CTDSPL: variants seen among roughly 807,000 people sequenced by gnomAD.
The protein encoded by CTDSPL is CTD small phosphatase-like protein.
CTDSPL carries 8 observed loss-of-function variants against 30.5 expected under a neutral mutation model. That is an observed-to-expected ratio of 0.26 (90% CI 0.15 to 0.47). The LOEUF is 0.47. Ranked by LOEUF, CTDSPL falls within the 20% of genes least tolerant of loss-of-function variation. The pLI is 0.99. For synonymous variants in CTDSPL, 110 were observed against 137.9 expected, an observed-to-expected ratio of 0.80 and a Z score of 1.42; for missense variants, 248 against 366.1, an observed-to-expected ratio of 0.68 and a Z score of 2.63.
In CTDSPL at chr3:37,862,488, CTG is replaced by C. The variant is rs948360502; in HGVS notation, c.79+211_79+212del. On this transcript the variant is annotated intron_variant, in intron 1 of 7. Coordinates refer to ENST00000273179, the MANE Select transcript of CTDSPL (RefSeq NM_001008392.2). This position sits in a 1 kb window ranked among gnomAD's most constrained non-coding sequence, Gnocchi z 4.3. ...GAGTGTGCAGGGGCTGGCGGAGAGA[CTG>C]GGAGCGAGTGTGTGTGCATCTAACC... 1.3e-4 allele frequency among the ~76,000 whole-genome samples: 20 copies of C among 152,120 alleles called. No homozygotes were observed. Among genetic ancestry groups the C allele is most frequent in the African/African-American group, 4.8e-4 (20 of 41,442 alleles).
intron 1 of CTDSPL, among the ~76,000 whole-genome samples, chr3:37,912,400 G>A (rs1302553148): frequency 6.6e-6 from 1 of 152,212 alleles, no homozygotes; most frequent in Non-Finnish European, 1.5e-5. Context: ...TTTGAATTAA[G>A]GAATCTCTGG....
chr3:37,961,571 T>C (rs1699245329), intron 3 of CTDSPL, among the ~76,000 whole-genome samples: 1 of 152,208 alleles, frequency 6.6e-6, no homozygotes, highest in African/African-American at 2.4e-5. Context: ...CTAACAGCTA[T>C]GTTTCTATGC....
chr3:37,958,366 C>A (rs1167032788), intron 3 of CTDSPL, among the ~76,000 whole-genome samples: 1 of 152,150 alleles, frequency 6.6e-6, no homozygotes, highest in Non-Finnish European at 1.5e-5. Context: ...AACTTTTTAT[C>A]CAGAGTTTGA....
intron 1 of CTDSPL, among the ~76,000 whole-genome samples, chr3:37,876,552 T>C (rs595793): frequency 2.0e-5 from 3 of 152,230 alleles, no homozygotes; most frequent in Non-Finnish European, 4.4e-5. Flanking sequence ...ATTTTGTGTT[T>C]CCTAAATCTC....
Position 37,953,484 on chromosome 3 carries a change from G to T in CTDSPL, c.235-3627G>T, listed in dbSNP as rs141154484. On this transcript the variant is annotated intron_variant, in intron 2 of 7. Coordinates refer to ENST00000273179, the MANE Select transcript of CTDSPL (RefSeq NM_001008392.2). ...ATCCACATATTCAGAAAGAAAACTGGAATTATTTGGTGGACAGTGCTAATG... is the reference window on the plus strand; with the variant it reads ...ATCCACATATTCAGAAAGAAAACTGTAATTATTTGGTGGACAGTGCTAATG... Among the ~76,000 whole-genome samples, 459 of 152,292 alleles carry T rather than the reference G, an allele frequency of 3.0e-3. 3 individuals are homozygous for T. The highest frequency in any genetic ancestry group is 0.014 in the Middle Eastern group (4 of 294).
intron 2 of CTDSPL, among the ~76,000 whole-genome samples, chr3:37,951,523 A>G (rs1309723579): frequency 6.6e-6 from 1 of 152,002 alleles, no homozygotes; most frequent in Non-Finnish European, 1.5e-5. Context: ...CAAAAAATAA[A>G]AATAAAAAAT....
intron 1 of CTDSPL, among the ~76,000 whole-genome samples, chr3:37,937,753 A>G (rs990048465): frequency 1.3e-5 from 2 of 150,348 alleles, no homozygotes; most frequent in Non-Finnish European, 3.0e-5. Context: ...GAGCAGTCAG[A>G]TATGGAGGAT....
At chr3:37,916,652 C>T (rs367728768) in intron 1 of CTDSPL, among the ~76,000 whole-genome samples, 3 of 152,288 alleles carry the variant, frequency 2.0e-5, no homozygotes, top group African/African-American at 2.4e-5. Context: ...AAGGAAGAGG[C>T]ATGGCCCTCC....
intron 2 of CTDSPL, among the ~76,000 whole-genome samples, chr3:37,951,961 C>T (rs1457502143): frequency 1.3e-5 from 2 of 152,160 alleles, no homozygotes; most frequent in Non-Finnish European, 2.9e-5. Context: ...ACAAATTCAG[C>T]TGTATGATAT....
rs57451778 is a variant in CTDSPL, at chr3:37,983,282, AATATCT to A, written c.*2444_*2449del. Reference sequence around the variant, plus strand: ...GAATCTGCTTTATGTACATAATCAAAATATCTATATCTATATCTATATCTATATCTA... The same window carrying A: ...GAATCTGCTTTATGTACATAATCAAAATATCTATATCTATATCTATATCTA... On this transcript the variant is annotated 3_prime_UTR_variant, in exon 8 of 8. Transcript: ENST00000273179. 12,572 of 152,176 alleles carry A rather than the reference AATATCT, an allele frequency of 0.083. 1,015 individuals are homozygous for A. Among genetic ancestry groups the A allele is most frequent in the African/African-American group, 0.22 (8,910 of 41,222 alleles). The allele number at this position is 152,176 out of a possible 1,614,324, so 9.4% of individuals were successfully genotyped here.
intron 1 of CTDSPL, among the ~76,000 whole-genome samples, chr3:37,892,835 T>C (rs1698343682): frequency 6.6e-6 from 1 of 152,232 alleles, no homozygotes; most frequent in South Asian, 2.1e-4. Flanking sequence ...ATAAGTGTGC[T>C]TGCTTCTGAG....
chr3:37,890,545 T>A (rs935730965), intron 1 of CTDSPL, among the ~76,000 whole-genome samples: 2 of 152,216 alleles, frequency 1.3e-5, no homozygotes, highest in Non-Finnish European at 2.9e-5. Flanking sequence ...TTTCAGCAAT[T>A]TGATTTAAAC....
intron 1 of CTDSPL, among the ~76,000 whole-genome samples, chr3:37,928,112 A>G (rs1053266662): frequency 1.3e-5 from 2 of 152,182 alleles, no homozygotes; most frequent in African/African-American, 4.8e-5. Flanking sequence ...CATTGTATGC[A>G]TGGACCACTT....
At chr3:37,954,858 A>T (rs1490249588) in intron 2 of CTDSPL, 2 of 152,288 alleles carry the variant, frequency 1.3e-5, no homozygotes, top group African/African-American at 4.8e-5. Flanking sequence ...AGATTGCTGG[A>T]CACTCACAAA....
chr3:37,908,964 A>G (rs1698549420), intron 1 of CTDSPL, among the ~76,000 whole-genome samples: 1 of 152,176 alleles, frequency 6.6e-6, no homozygotes, highest in African/African-American at 2.4e-5. Context: ...CCTTTACTCA[A>G]TATCGATATT....
In CTDSPL at chr3:37,953,400, T is replaced by C. The variant is rs545621668; in HGVS notation, c.235-3711T>C. On this transcript the variant is annotated intron_variant, in intron 2 of 7. Transcript: ENST00000273179. ...AAAACATGCCTTATTTCAACTTACA[T>C]TTTATTGGCTAAAGTAAGTCACATG... Among the ~76,000 whole-genome samples the C allele has an allele frequency of 3.9e-5, 6 of 152,356 alleles. No homozygotes were observed. The East Asian group carries it at 1.2e-3, about 29-fold the overall frequency.
At chr3:37,885,104 A>C (rs1698249115) in intron 1 of CTDSPL, among the ~76,000 whole-genome samples, 1 of 152,204 alleles carries the variant, frequency 6.6e-6, no homozygotes, top group Non-Finnish European at 1.5e-5. Context: ...GGATACTGAT[A>C]AGGGCAATTT....
chr3:37,965,079 G>A (rs570583194), intron 4 of CTDSPL, among the ~76,000 whole-genome samples: 1 of 152,286 alleles, frequency 6.6e-6, no homozygotes, highest in Non-Finnish European at 1.5e-5. Flanking sequence ...CAAATGACCT[G>A]GTATCATGGA....
chr3:37,880,066 A>G (rs1255463883), intron 1 of CTDSPL, among the ~76,000 whole-genome samples: 1 of 150,232 alleles, frequency 6.7e-6, no homozygotes, highest in Non-Finnish European at 1.5e-5. Context: ...ATATATGCAA[A>G]GTGCCATGGA....
Sources: allele counts gnomAD v4.1 joint callset (sites outside exome capture counted in the v4.1 genomes callset), GRCh38; gene constraint gnomAD v4.1.1; non-coding constraint Gnocchi (gnomAD v3.1); transcripts MANE v1.5; gene names NCBI Gene and HGNC (gene_info 2026-07-23, HGNC 2026-07-21).